The following ZNF469 variants were observed in gnomAD, a reference collection of about 807,000 sequenced individuals.
ZNF469 encodes zinc finger protein 469.
A neutral mutation model predicts 1.0 loss-of-function variants in ZNF469; 1 was observed. The ratio of observed to expected loss-of-function variants is 1.00; its 90% CI spans 0.35 to 4.73. The LOEUF is 4.73. ZNF469 is among the 30% of genes most tolerant of loss of function. The pLI, the probability that ZNF469 is intolerant of heterozygous loss-of-function variation, is 0.16. For synonymous variants in ZNF469, 2,703 were observed against 2,363.4 expected (o/e 1.14, Z -4.17); for missense variants, 6,100 against 5,356.3 (o/e 1.14, Z -4.33).
At chr16:88,411,988 A>AGCT (rs199665284) in intron 1 of ZNF469, among the ~76,000 whole-genome samples, 1 of 196 alleles carries the variant, frequency 5.1e-3, no homozygotes, top group Non-Finnish European at 6.8e-3. Flanking sequence ...GGCCAGGTCC[A>AGCT]GCTGGCGAAC....
At chr16:88,172,270 A>G in the ZNF469 span, among the ~76,000 whole-genome samples, 2 of 152,348 alleles carry the variant, frequency 1.3e-5, no homozygotes, top group Middle Eastern at 3.4e-3. Context: ...AAGGCTGGGG[A>G]AACACCCACC....
the ZNF469 span, among the ~76,000 whole-genome samples, chr16:88,131,515 G>T: frequency 6.6e-6 from 1 of 152,128 alleles, no homozygotes; most frequent in African/African-American, 2.4e-5. Flanking sequence ...GCCTTCCCGG[G>T]GGCCCAGGCC....
At chr16:88,328,976 G>A in the ZNF469 span, among the ~76,000 whole-genome samples, 78 of 152,274 alleles carry the variant, frequency 5.1e-4, no homozygotes, top group African/African-American at 1.8e-3. Flanking sequence ...TGTTCTCCAC[G>A]GGGTCCCGAC....
At chr16:88,338,695 G>C in the ZNF469 span, among the ~76,000 whole-genome samples, 2 of 152,170 alleles carry the variant, frequency 1.3e-5, no homozygotes, top group Non-Finnish European at 2.9e-5. Context: ...GTTAAGATGA[G>C]ATCAGGCTGG....
the ZNF469 span, among the ~76,000 whole-genome samples, chr16:88,132,668 C>T: frequency 0.023 from 3,475 of 149,766 alleles, no homozygotes; most frequent in African/African-American, 0.082. Context: ...TTTCATCTTA[C>T]GAGAGCAGAT....
the ZNF469 span, among the ~76,000 whole-genome samples, chr16:88,352,447 T>G: frequency 6.6e-6 from 1 of 151,738 alleles, no homozygotes; most frequent in Admixed American, 6.6e-5. Flanking sequence ...GAGGGAGGGG[T>G]TGCCTGTGTG....
the ZNF469 span, among the ~76,000 whole-genome samples, chr16:88,182,568 C>A: frequency 4.7e-3 from 710 of 152,030 alleles, 20 homozygotes; most frequent in Admixed American, 0.045. Flanking sequence ...AAAATAGAGT[C>A]TTGGAAATAA....
the ZNF469 span, among the ~76,000 whole-genome samples, chr16:88,221,356 C>G: frequency 6.6e-6 from 1 of 152,202 alleles, no homozygotes; most frequent in East Asian, 1.9e-4. Flanking sequence ...GTAAAACTCT[C>G]TCTGTGGGCC....
chr16:88,202,089 G>A, the ZNF469 span, among the ~76,000 whole-genome samples: 1 of 152,192 alleles, frequency 6.6e-6, no homozygotes, highest in African/African-American at 2.4e-5. Flanking sequence ...CACCCCACGG[G>A]CAGTGGCCAG....
At chr16:88,284,435 G>A in the ZNF469 span, among the ~76,000 whole-genome samples, 1 of 152,140 alleles carries the variant, frequency 6.6e-6, no homozygotes, top group South Asian at 2.1e-4. Context: ...GAGCAACATA[G>A]CAAGACCCCA....
the ZNF469 span, among the ~76,000 whole-genome samples, chr16:88,353,919 G>A: frequency 3.9e-5 from 6 of 152,150 alleles, no homozygotes; most frequent in African/African-American, 1.2e-4. Flanking sequence ...TCTAGGCAGC[G>A]GGAAGGTAAA....
chr16:88,358,477 C>G, the ZNF469 span, among the ~76,000 whole-genome samples: 3 of 152,150 alleles, frequency 2.0e-5, no homozygotes, highest in Non-Finnish European at 4.4e-5. Flanking sequence ...ACCAACCACC[C>G]AGATCCGAAC....
chr16:88,307,596 T>A, the ZNF469 span, among the ~76,000 whole-genome samples: 11 of 152,372 alleles, frequency 7.2e-5, no homozygotes, highest in African/African-American at 2.4e-4. Context: ...TGACGGCTAA[T>A]GATATCAGTG....
At chr16:88,396,627 AGACCCTCCTGAAGGGAGGCCGGGC>A (rs1302471542) in intron 1 of ZNF469, among the ~76,000 whole-genome samples, 6 of 145,176 alleles carry the variant, frequency 4.1e-5, no homozygotes, top group Non-Finnish European at 9.3e-5. Context: ...GGCCGGGAGG[AGACCCTCCTGAAGGGAGGCCGGGC>A]GGAGACCCTC....
chr16:88,194,470 C>A, the ZNF469 span: 2,150 of 152,402 alleles, frequency 0.014, 21 homozygotes, highest in Non-Finnish European at 0.023. Flanking sequence ...CGTCTGCCTG[C>A]AAGACCTGCA....
chr16:88,324,004 A>G, the ZNF469 span, among the ~76,000 whole-genome samples: 6 of 152,286 alleles, frequency 3.9e-5, no homozygotes, highest in African/African-American at 1.4e-4. Context: ...TCACAAATCA[A>G]TGGTTGTCAG....
the ZNF469 span, among the ~76,000 whole-genome samples, chr16:88,130,731 G>A: frequency 1.4e-5 from 2 of 147,042 alleles, no homozygotes; most frequent in Non-Finnish European, 3.0e-5. Context: ...AAAAAAAGAG[G>A]CACCTAATAA....
the ZNF469 span, among the ~76,000 whole-genome samples, chr16:88,231,723 T>C: frequency 6.6e-6 from 1 of 152,158 alleles, no homozygotes; most frequent in South Asian, 2.1e-4. The surrounding 1 kb of genome is among the most constrained non-coding windows in gnomAD (Gnocchi z 4.5). Flanking sequence ...GCCTCCCTCT[T>C]CAAGGACCCT....
rs559144745 is a variant in ZNF469, at chr16:88,424,459, G to A, written c.-191-348G>A. Among the ~76,000 whole-genome samples, 65 of 152,320 alleles carry A rather than the reference G, an allele frequency of 4.3e-4. No individual in the cohort carries two copies. The highest frequency in any genetic ancestry group is 1.4e-3 in the African/African-American group (58 of 41,556). On this transcript the variant is annotated intron_variant, in intron 1 of 2. Transcript: ENST00000565624. The surrounding 1 kb of genome is among the most constrained non-coding windows in gnomAD (Gnocchi z 4.3). ...TCCTGGCAGGGATGGGAGGGGCAGCGTTCTCACTGCAACTCGTAATAATCT... is the reference window on the plus strand; with the variant it reads ...TCCTGGCAGGGATGGGAGGGGCAGCATTCTCACTGCAACTCGTAATAATCT...
Sources: gnomAD v4.1 joint callset for allele counts (sites outside exome capture counted in the v4.1 genomes callset) on GRCh38, gnomAD v4.1.1 for gene constraint, Gnocchi (gnomAD v3.1) non-coding constraint, MANE v1.5 for transcripts, NCBI Gene and HGNC (gene_info 2026-07-23, HGNC 2026-07-21) for gene names.